LRBA: variants seen among roughly 807,000 people sequenced by gnomAD.
LRBA encodes LPS responsive beige-like anchor protein, also known as lipopolysaccharide-responsive and beige-like anchor protein.
In LRBA, 176 loss-of-function variants were observed where a neutral mutation model predicts 330.0. That is an observed-to-expected ratio of 0.53 (90% CI 0.47 to 0.60). The LOEUF (loss-of-function observed/expected upper bound fraction) is 0.60, where lower values mean the gene tolerates loss of function less well. Among genes scored for constraint, LRBA ranks in the 20% least tolerant of loss-of-function variants. The pLI is 0.00. For synonymous variants in LRBA, 1,230 were observed against 1,193.0 expected (o/e 1.03, Z -0.64); for missense variants, 3,259 against 3,444.8 (o/e 0.95, Z 1.35).
intron 43 of LRBA, among the ~76,000 whole-genome samples, chr4:150,470,098 G>A (rs776972181): frequency 3.3e-5 from 5 of 152,090 alleles, no homozygotes; most frequent in Non-Finnish European, 7.4e-5. Flanking sequence ...CAGGAGAATC[G>A]CTTGAACCTG....
chr4:150,748,901 G>C (rs1733136764), intron 35 of LRBA, among the ~76,000 whole-genome samples: 1 of 152,002 alleles, frequency 6.6e-6, no homozygotes, highest in Non-Finnish European at 1.5e-5. Context: ...CTTCCACCAG[G>C]TGAAGACACA....
intron 2 of LRBA, among the ~76,000 whole-genome samples, chr4:150,968,001 TC>T (rs1739096389): frequency 7.0e-6 from 1 of 143,082 alleles, no homozygotes; most frequent in Admixed American, 6.9e-5. Context: ...GATTTGCACA[TC>T]TTTTTTTTTT....
At chr4:150,909,126 G>C (rs1206776169) in intron 9 of LRBA, among the ~76,000 whole-genome samples, 32 of 151,912 alleles carry the variant, frequency 2.1e-4, no homozygotes, top group Non-Finnish European at 1.5e-5. Context: ...TTTTAAAATT[G>C]TGATCAAAAG....
intron 39 of LRBA, among the ~76,000 whole-genome samples, chr4:150,589,040 TACACACACACAC>T (rs10637563): frequency 6.8e-6 from 1 of 146,756 alleles, no homozygotes; most frequent in African/African-American, 2.6e-5. Flanking sequence ...TGTGTGTGTA[TACACACACACAC>T]ACACACACAC....
intron 17 of LRBA, among the ~76,000 whole-genome samples, chr4:150,878,554 G>A (rs1301644346): frequency 6.7e-6 from 1 of 150,348 alleles, no homozygotes; most frequent in African/African-American, 2.5e-5. Context: ...CCAGCAAAAC[G>A]AAAAGCTGGT....
At chr4:150,281,571 A>G (rs1447058189) in intron 55 of LRBA, among the ~76,000 whole-genome samples, 2 of 152,132 alleles carry the variant, frequency 1.3e-5, no homozygotes, top group African/African-American at 4.8e-5. Context: ...TCAGAATAGC[A>G]ATGAGTGAAA....
intron 44 of LRBA, among the ~76,000 whole-genome samples, chr4:150,457,559 AG>A (rs1456349633): frequency 3.3e-5 from 5 of 152,004 alleles, no homozygotes; most frequent in Non-Finnish European, 7.4e-5. Flanking sequence ...TTAAAATCAT[AG>A]GCAAGATAAG....
chr4:150,491,075 T>C (rs779016932), intron 40 of LRBA, 40 bp from the exon 41 acceptor site: 44 of 917,754 alleles, frequency 4.8e-5, no homozygotes, highest in Non-Finnish European at 6.6e-5. Context: ...GTAACAATAC[T>C]TGTTTTTTGT....
In LRBA at chr4:150,806,294, T is replaced by C; in HGVS notation, c.5495A>G (p.Gln1832Arg). The change falls in exon 33 of 57, where the codon CAA becomes CGA. Residue 1832 changes from glutamine to arginine, a missense_variant. Coordinates refer to ENST00000651943, the MANE Select transcript of LRBA (RefSeq NM_001364905.1). ...ACTTGTTCCTTCTATAAGCAGTTCT[T>C]GTCCATGGCTACCCAAAAGTGTCCG... ...LSRTLLGSHG[Q>R]ELLIEGTSLV... 1 of 1,604,152 alleles carries C rather than the reference T, an allele frequency of 6.2e-7. No homozygotes were observed. Among genetic ancestry groups the C allele is most frequent in the Non-Finnish European group, 8.5e-7 (1 of 1,175,798 alleles).
chr4:150,974,071 C>A (rs1739881272), intron 2 of LRBA, among the ~76,000 whole-genome samples: 1 of 152,108 alleles, frequency 6.6e-6, no homozygotes, highest in Non-Finnish European at 1.5e-5. Flanking sequence ...GTAATGGACA[C>A]CAGATTTAAT....
In LRBA at chr4:150,299,495, C is replaced by T. The variant is rs1729377061; in HGVS notation, c.8017+3130G>A. Among the ~76,000 whole-genome samples, 4 of 152,024 alleles carry T rather than the reference C, an allele frequency of 2.6e-5. No homozygotes were observed. In the South Asian group the frequency reaches 8.3e-4, roughly 32 times the overall value. On this transcript the variant is annotated intron_variant, in intron 53 of 56. Transcript: ENST00000651943. ...TATAGGTTTTACACTTGATCTTAGC[C>T]AAAAGGCTGAGAAGCGATGTATTTA...
intron 40 of LRBA, among the ~76,000 whole-genome samples, chr4:150,555,118 T>C (rs1001873500): frequency 6.6e-6 from 1 of 152,132 alleles, no homozygotes; most frequent in African/African-American, 2.4e-5. Flanking sequence ...GGGTTACTCT[T>C]TAAACAAGGG....
At chr4:150,533,418 TCTCCTTGGG>T (rs1370809512) in intron 40 of LRBA, among the ~76,000 whole-genome samples, 1 of 152,014 alleles carries the variant, frequency 6.6e-6, no homozygotes, top group African/African-American at 2.4e-5. Context: ...AAGCAATCTG[TCTCCTTGGG>T]CTCCCAAAGG....
At chr4:150,803,117 CACACACAA>C (rs1741979138) in intron 33 of LRBA, among the ~76,000 whole-genome samples, 1 of 140,658 alleles carries the variant, frequency 7.1e-6, no homozygotes, top group Non-Finnish European at 1.5e-5. Context: ...CACATATATA[CACACACAA>C]ATATATATAT....
intron 37 of LRBA, among the ~76,000 whole-genome samples, chr4:150,613,978 C>G (rs988265909): frequency 1.3e-5 from 2 of 152,194 alleles, no homozygotes; most frequent in Non-Finnish European, 2.9e-5. Flanking sequence ...ACCTCGTGTC[C>G]ATAAAACTAC....
chr4:150,637,994 A>G (rs1345875136), intron 37 of LRBA, among the ~76,000 whole-genome samples: 1 of 152,068 alleles, frequency 6.6e-6, no homozygotes, highest in African/African-American at 2.4e-5. Flanking sequence ...AAATTCTGAA[A>G]CTTACATAGG....
chr4:150,304,717 T>C (rs1407278525), intron 52 of LRBA, among the ~76,000 whole-genome samples: 3 of 152,202 alleles, frequency 2.0e-5, no homozygotes, highest in African/African-American at 7.2e-5. Flanking sequence ...TATATAATAA[T>C]TTTTACTTCA....
chr4:150,841,609 G>A (rs1025075446), intron 28 of LRBA, among the ~76,000 whole-genome samples: 1 of 151,516 alleles, frequency 6.6e-6, no homozygotes, highest in African/African-American at 2.4e-5. Context: ...TTATGTCGTC[G>A]ATCTTAGGTC....
intron 2 of LRBA, among the ~76,000 whole-genome samples, chr4:150,998,235 C>T (rs1195249725): frequency 2.0e-5 from 3 of 151,530 alleles, no homozygotes; most frequent in Non-Finnish European, 4.4e-5. Flanking sequence ...TGACTGTAAT[C>T]CCAGCTACTT....
Sources: gnomAD v4.1 joint callset for allele counts (sites outside exome capture counted in the v4.1 genomes callset) on GRCh38, gnomAD v4.1.1 for gene constraint, MANE v1.5 for transcripts, NCBI Gene and HGNC (gene_info 2026-07-23, HGNC 2026-07-21) for gene names.